The following CPXCR1 variants were observed in gnomAD, a reference collection of about 807,000 sequenced individuals.
CPXCR1 encodes CPX chromosome region candidate 1, also known as CPX chromosomal region candidate gene 1 protein.
Under a neutral mutation model 13.8 loss-of-function variants are expected in CPXCR1, and 15 were observed. The ratio of observed to expected loss-of-function variants is 1.09; its 90% CI spans 0.73 to 1.67. CPXCR1 has a LOEUF of 1.67. Ranked by LOEUF, CPXCR1 falls within the 40% of genes most tolerant of loss-of-function variation. The probability of loss-of-function intolerance (pLI) is 0.00; values close to 1 mark genes in which losing one functional copy is unlikely to be tolerated. For missense variants in CPXCR1, 247 were observed against 223.6 expected, an observed-to-expected ratio of 1.10 and a Z score of -0.67; for synonymous variants, 70 against 76.7, an observed-to-expected ratio of 0.91 and a Z score of 0.46.
At chrX:88,751,194 C>T (rs982202594) in intron 2 of CPXCR1, among the ~76,000 whole-genome samples, 1 of 111,713 alleles carries the variant, frequency 9.0e-6, no homozygotes, top group African/African-American at 3.3e-5. Context: ...CCTGCTTTCT[C>T]TTGTGGGCAT....
At chrX:88,750,758 A>G (rs1299218893) in intron 2 of CPXCR1, among the ~76,000 whole-genome samples, 1 of 111,572 alleles carries the variant, frequency 9.0e-6, no homozygotes, top group Non-Finnish European at 1.9e-5. Context: ...AGAACTTGTT[A>G]TTGGTCTGTT....
intron 2 of CPXCR1, among the ~76,000 whole-genome samples, chrX:88,752,275 TAG>T (rs776806030): frequency 1.5e-3 from 166 of 111,268 alleles, no homozygotes; most frequent in African/African-American, 5.0e-3. Context: ...GTGGTGAGTG[TAG>T]AGTTTGCCAT....
chrX:88,750,460 C>A (rs1045605441), intron 2 of CPXCR1, among the ~76,000 whole-genome samples: 1 of 111,569 alleles, frequency 9.0e-6, no homozygotes, highest in Non-Finnish European at 1.9e-5. Flanking sequence ...TGATGTGCTG[C>A]TGGATTTGGT....
At chrX:88,749,951 G>T (rs1384538170) in intron 2 of CPXCR1, among the ~76,000 whole-genome samples, 1 of 109,322 alleles carries the variant, frequency 9.1e-6, no homozygotes, top group Non-Finnish European at 1.9e-5. Flanking sequence ...TGCTGAAGTT[G>T]CTTATCAGCT....
At chrX:88,752,114 C>T (rs933003524) in intron 2 of CPXCR1, among the ~76,000 whole-genome samples, 3 of 112,142 alleles carry the variant, frequency 2.7e-5, no homozygotes, top group African/African-American at 9.7e-5. Context: ...TAATCCTGCT[C>T]TGAAGAAATT....
At position 88,753,500 on chromosome X, in the gene CPXCR1, C is replaced by T. The variant is rs375970884; in HGVS notation, c.86C>T (p.Thr29Ile). 1 of 1,198,377 alleles carries T rather than the reference C, an allele frequency of 8.3e-7. No individual in the cohort carries two copies. The highest frequency in any genetic ancestry group is 1.7e-5 in the African/African-American group (1 of 57,290). ...AATGAGCCTCCTAATGACTGTAGTA[C>T]AGACATAGAGTCTCCATCTGCTGAT... Reference protein sequence around the residue: ...SENEPPNDCSTDIESPSADPN... With the variant: ...SENEPPNDCSIDIESPSADPN... Residue 29 changes from threonine to isoleucine, a missense_variant, in exon 3 of 3, where the codon ACA becomes ATA. By Grantham distance (89) the Thr-to-Ile change is moderately conservative (BLOSUM62 -1). Transcript: ENST00000276127.
rs748731972 is a variant in CPXCR1 at position 88,747,409 on chromosome X, C to G, written c.-115+40C>G. 3 of 112,189 alleles carry G rather than the reference C, an allele frequency of 2.7e-5. No homozygotes were observed. In the South Asian group the frequency reaches 1.1e-3, roughly 41 times the overall value. 9.2% of individuals were successfully genotyped at this position (112,189 alleles called of 1,213,427 possible). The stretch of plus-strand genomic sequence containing the variant: ...GCTTGTGTATCCATTTTAGAATATA[C>G]GTAAGAAATTATTTTAAAGTTAGCT... On this transcript the variant is annotated intron_variant, in intron 1 of 2. Coordinates refer to ENST00000276127, the MANE Select transcript of CPXCR1 (RefSeq NM_033048.6).
Position 88,753,811 on chromosome X carries a change from C to A in CPXCR1, c.397C>A (p.Arg133=). 1 of 1,208,727 alleles carries A rather than the reference C, an allele frequency of 8.3e-7. No individual in the cohort carries two copies. The highest frequency in any genetic ancestry group is 1.1e-6 in the Non-Finnish European group (1 of 893,741). ...NFPINHKTRF[R]LSTSWRVPFI... is the part of the protein sequence containing the mutation. Reference sequence around the variant, plus strand: ...CCCCATAAATCACAAAACTCGTTTTCGACTTTCAACTTCATGGAGAGTCCC... The same window carrying A: ...CCCCATAAATCACAAAACTCGTTTTAGACTTTCAACTTCATGGAGAGTCCC... Residue 133 remains arginine (R), a synonymous_variant, in exon 3 of 3, where the codon CGA becomes AGA. Coordinates refer to ENST00000276127, the MANE Select transcript of CPXCR1 (RefSeq NM_033048.6).
In CPXCR1 at chrX:88,753,996, A is replaced by G. The variant is rs1925004925; in HGVS notation, c.582A>G (p.Ile194Met). The stretch of plus-strand genomic sequence containing the variant: ...GTTTCACCCATCACGAGAGAGCCAT[A>G]ACATTTAGAAGGCCTTCGAGGGTGC... ...PNSFTHHERA[I>M]TFRRPSRVHY... Residue 194 changes from isoleucine (I) to methionine (M), a missense_variant, in exon 3 of 3, where the codon ATA becomes ATG. By Grantham distance (10) the Ile-to-Met change is conservative. Transcript: ENST00000276127. The G allele has an allele frequency of 8.3e-7, 1 of 1,209,988 alleles. No homozygotes were observed. The highest frequency in any genetic ancestry group is 1.1e-6 in the Non-Finnish European group (1 of 894,161).
In CPXCR1 at chrX:88,749,400, C is replaced by A. The variant is rs368702007; in HGVS notation, c.-32C>A. ...GCATTTCAGCCTTACTGAGAAGCAGCCAGTCATACTATCCTCAAATTTTGT... is the reference window on the plus strand; with the variant it reads ...GCATTTCAGCCTTACTGAGAAGCAGACAGTCATACTATCCTCAAATTTTGT... On this transcript the variant is annotated 5_prime_UTR_variant, in exon 2 of 3. Coordinates refer to ENST00000276127, the MANE Select transcript of CPXCR1 (RefSeq NM_033048.6). The A allele has an allele frequency of 1.8e-5, 2 of 110,703 alleles. No homozygotes were observed. Among genetic ancestry groups the A allele is most frequent in the South Asian group, 7.7e-4 (2 of 2,604 alleles). The allele number at this position is 110,703 out of a possible 1,213,427, so 9.1% of individuals were successfully genotyped here. A position where few individuals can be genotyped will look rare whatever the true frequency, so the allele number is the denominator to read the frequency against.
intron 2 of CPXCR1, among the ~76,000 whole-genome samples, chrX:88,750,643 A>T (rs140326556): frequency 4.5e-5 from 5 of 112,130 alleles, no homozygotes; most frequent in African/African-American, 1.6e-4. Context: ...TTTCAGAAAG[A>T]ATGGTACCAG....
intron 2 of CPXCR1, among the ~76,000 whole-genome samples, chrX:88,750,667 C>A (rs982317160): frequency 1.2e-4 from 13 of 111,754 alleles, no homozygotes; most frequent in African/African-American, 4.2e-4. Flanking sequence ...CTCTTTTGTA[C>A]GTCTGGTAGA....
chrX:88,753,359 G>A, intron 2 of CPXCR1, 48 bp from the exon 3 acceptor site: 1 of 768,748 alleles, frequency 1.3e-6, no homozygotes, highest in Non-Finnish European at 1.8e-6. Flanking sequence ...CTTATAAAAT[G>A]GAACATACAT....
In CPXCR1 at chrX:88,754,236, G is replaced by T. The variant is rs765505554; in HGVS notation, c.822G>T (p.Trp274Cys). The change falls in exon 3 of 3, where the codon TGG (tryptophan) becomes TGT (cysteine). Residue 274 changes from tryptophan to cysteine, a missense_variant. Coordinates refer to ENST00000276127, the MANE Select transcript of CPXCR1 (RefSeq NM_033048.6). ...TGATCACAAACACCAATAATGGTTG[G>T]AAATACTTTTGTCCCATCTGTGGAA... ...NVMITNTNNG[W>C]KYFCPICGRL... The T allele has an allele frequency of 8.4e-7, 1 of 1,188,557 alleles. No homozygotes were observed. Among genetic ancestry groups the T allele is most frequent in the South Asian group, 1.8e-5 (1 of 54,715 alleles).
intron 2 of CPXCR1, among the ~76,000 whole-genome samples, chrX:88,752,503 T>G (rs1924946689): frequency 9.5e-6 from 1 of 105,507 alleles, no homozygotes; most frequent in African/African-American, 3.4e-5. Context: ...GTACAGACAT[T>G]ACTTTTATTT....
At chrX:88,748,735 T>C (rs1384778122) in intron 1 of CPXCR1, among the ~76,000 whole-genome samples, 1 of 109,850 alleles carries the variant, frequency 9.1e-6, no homozygotes, top group Non-Finnish European at 1.9e-5. Flanking sequence ...CATAGTTGAG[T>C]GACATAAATA....
At chrX:88,749,508 A>C (rs187030684) in intron 2 of CPXCR1, 85 bp downstream of exon 2, 2 of 110,617 alleles carry the variant, frequency 1.8e-5, no homozygotes, top group Admixed American at 2.0e-4. Context: ...GCTGATGCTG[A>C]GATGTTTATG....
At position 88,754,472 on chromosome X, in the gene CPXCR1, A is replaced by G. The variant is rs1925022454; in HGVS notation, c.*152A>G. ...AACTAATAGTACCTCTCAGTAAGAAATACCTATGGGGAGTGAGGAAACATC... is the reference window on the plus strand; with the variant it reads ...AACTAATAGTACCTCTCAGTAAGAAGTACCTATGGGGAGTGAGGAAACATC... On this transcript the variant is annotated 3_prime_UTR_variant, in exon 3 of 3. Coordinates refer to ENST00000276127, the MANE Select transcript of CPXCR1 (RefSeq NM_033048.6). The G allele has an allele frequency of 7.4e-6, 3 of 402,869 alleles. No individual in the cohort carries two copies. In the Admixed American group the frequency reaches 1.4e-4, roughly 19 times the overall value. The allele number at this position is 402,869 out of a possible 1,213,427, so 33.2% of individuals were successfully genotyped here.
Position 88,754,132 on chromosome X carries a change from T to C in CPXCR1, c.718T>C (p.Ser240Pro), listed in dbSNP as rs1925011293. 3.3e-6 allele frequency: 4 copies of C among 1,200,681 alleles called. No homozygotes were observed. The highest frequency in any genetic ancestry group is 4.5e-6 in the Non-Finnish European group (4 of 886,838). ...RAIVRSVLFV[S>P]QIQIESIFNI... ...TATTGTGAGGTCTGTGCTCTTTGTG[T>C]CACAGATACAAATTGAAAGTATTTT... Residue 240 changes from serine (S) to proline (P), a missense_variant, in exon 3 of 3, where the codon TCA becomes CCA. Coordinates refer to ENST00000276127, the MANE Select transcript of CPXCR1 (RefSeq NM_033048.6).
Sources: allele counts gnomAD v4.1 joint callset (sites outside exome capture counted in the v4.1 genomes callset), GRCh38; gene constraint gnomAD v4.1.1; transcripts MANE v1.5; gene names NCBI Gene and HGNC (gene_info 2026-07-23, HGNC 2026-07-21).